The following TCF4 variants were observed in gnomAD, a reference collection of about 807,000 sequenced individuals.
TCF4 encodes the protein transcription factor 4.
TCF4 carries 3 observed loss-of-function variants against 82.1 expected under a neutral mutation model. The observed-to-expected ratio is 0.04, with a 90% CI of 0.02 to 0.09. The LOEUF (loss-of-function observed/expected upper bound fraction) is 0.09. Ranked by LOEUF, TCF4 falls within the 10% of genes least tolerant of loss-of-function variation. The probability of loss-of-function intolerance (pLI) is 1.00; values close to 1 mark genes in which losing one functional copy is unlikely to be tolerated. For synonymous variants in TCF4, 276 were observed against 309.6 expected (o/e 0.89, Z 1.14); for missense variants, 518 against 852.7 (o/e 0.61, Z 4.89).
intron 5 of TCF4, among the ~76,000 whole-genome samples, chr18:55,455,995 G>C (rs1416949718): frequency 1.3e-5 from 2 of 152,200 alleles, no homozygotes; most frequent in African/African-American, 4.8e-5. Context: ...CAAGAAGACT[G>C]TGGCACCTGC....
chr18:55,438,331 G>C (rs1248908831), intron 5 of TCF4, among the ~76,000 whole-genome samples: 2 of 149,124 alleles, frequency 1.3e-5, no homozygotes, highest in Non-Finnish European at 3.0e-5. Context: ...GTATTGCTAT[G>C]ATTATAGTTG....
intron 6 of TCF4, among the ~76,000 whole-genome samples, chr18:55,378,301 GACA>G (rs1216377364): frequency 6.6e-6 from 1 of 152,154 alleles, no homozygotes; most frequent in Non-Finnish European, 1.5e-5. Flanking sequence ...AATAATATTA[GACA>G]ACATTTACTG....
intron 3 of TCF4, among the ~76,000 whole-genome samples, chr18:55,528,345 C>T (rs1168009565): frequency 1.3e-5 from 2 of 152,150 alleles, no homozygotes; most frequent in Non-Finnish European, 2.9e-5. Context: ...CTTCACCCTT[C>T]ACACATTCAG....
At chr18:55,568,461 TAGAG>T (rs1056945224) in intron 3 of TCF4, among the ~76,000 whole-genome samples, 30 of 151,696 alleles carry the variant, frequency 2.0e-4, no homozygotes, top group South Asian at 4.2e-4. Flanking sequence ...GTAAATGAAA[TAGAG>T]AGAAAACTGA....
chr18:55,324,624 T>C (rs2076246512), intron 8 of TCF4, among the ~76,000 whole-genome samples: 1 of 152,140 alleles, frequency 6.6e-6, no homozygotes, highest in Non-Finnish European at 1.5e-5. Flanking sequence ...CAGTAGTGTA[T>C]AACTGGACAA....
chr18:55,613,589 G>C (rs1435921337), intron 2 of TCF4, among the ~76,000 whole-genome samples: 1 of 152,160 alleles, frequency 6.6e-6, no homozygotes, highest in Non-Finnish European at 1.5e-5. Context: ...CCACATGGCT[G>C]GGAGGCGTCA....
At chr18:55,317,709 T>C (rs2074491996) in intron 8 of TCF4, among the ~76,000 whole-genome samples, 1 of 152,106 alleles carries the variant, frequency 6.6e-6, no homozygotes. Flanking sequence ...TGTCACTTAT[T>C]TACAGGAAAA....
At chr18:55,372,701 G>A (rs1318586379) in intron 6 of TCF4, among the ~76,000 whole-genome samples, 1 of 151,978 alleles carries the variant, frequency 6.6e-6, no homozygotes, top group African/African-American at 2.4e-5. Context: ...AGCAAGATGG[G>A]GCAAGGAAAC....
At chr18:55,481,709 TAATC>T (rs2096436585) in intron 3 of TCF4, among the ~76,000 whole-genome samples, 1 of 152,250 alleles carries the variant, frequency 6.6e-6, no homozygotes, top group Non-Finnish European at 1.5e-5. Flanking sequence ...ACTCTCCACT[TAATC>T]AATATATACT....
chr18:55,380,773 G>C (rs1450607067), intron 6 of TCF4, among the ~76,000 whole-genome samples: 1 of 152,198 alleles, frequency 6.6e-6, no homozygotes, highest in Non-Finnish European at 1.5e-5. Context: ...TTAACAAACA[G>C]CCCACGCAAT....
chr18:55,599,001 A>T (rs1433034495), intron 2 of TCF4, among the ~76,000 whole-genome samples: 4 of 152,148 alleles, frequency 2.6e-5, no homozygotes, highest in Non-Finnish European at 5.9e-5. Context: ...GTGAGACTGG[A>T]CCATTTTAGG....
intron 2 of TCF4, among the ~76,000 whole-genome samples, chr18:55,598,745 A>C (rs1298333853): frequency 6.6e-6 from 1 of 152,236 alleles, no homozygotes; most frequent in Non-Finnish European, 1.5e-5. Flanking sequence ...GCAATAGAAA[A>C]ATCAATTCAA....
In TCF4 at chr18:55,401,074, G is replaced by T. The variant is rs1270211679; in HGVS notation, c.369+2380C>A. ...TTGAAGCCCAAGATACTGAGATTTT[G>T]CCTTTCTCTTTGGTTTGCATAGCTG... is the stretch of plus-strand genomic sequence containing the variant. On this transcript the variant is annotated intron_variant, in intron 6 of 19. Coordinates refer to ENST00000354452, the MANE Select transcript of TCF4 (RefSeq NM_001083962.2). The T allele has an allele frequency of 3.1e-6, 4 of 1,288,924 alleles. No homozygotes were observed. The African/African-American group carries it at 4.6e-5, about 15-fold the overall frequency. The allele number at this position is 1,288,924 out of a possible 1,614,324, so 79.8% of individuals were successfully genotyped here.
intron 5 of TCF4, among the ~76,000 whole-genome samples, chr18:55,445,193 A>G (rs966100777): frequency 3.2e-4 from 48 of 152,278 alleles, no homozygotes; most frequent in Admixed American, 9.8e-4. Flanking sequence ...TTCATTGAAA[A>G]TCTGACATCT....
intron 5 of TCF4, among the ~76,000 whole-genome samples, chr18:55,430,119 C>T (rs1187714206): frequency 6.6e-6 from 1 of 152,044 alleles, no homozygotes; most frequent in Non-Finnish European, 1.5e-5. Flanking sequence ...AGCTTCAGAC[C>T]TTTGATGTCT....
intron 6 of TCF4, among the ~76,000 whole-genome samples, chr18:55,367,636 G>A (rs193069226): frequency 1.1e-3 from 164 of 152,236 alleles, no homozygotes; most frequent in Non-Finnish European, 1.7e-3. Flanking sequence ...ACAAATCAAC[G>A]TCCTCCTCAT....
chr18:55,576,497 A>T (rs138986096), intron 3 of TCF4, among the ~76,000 whole-genome samples: 2 of 152,126 alleles, frequency 1.3e-5, no homozygotes, highest in African/African-American at 4.8e-5. Context: ...ACCAGAGTTG[A>T]CTCCACTTTA....
At chr18:55,290,604 CT>C (rs1038401689) in intron 8 of TCF4, among the ~76,000 whole-genome samples, 24 of 152,224 alleles carry the variant, frequency 1.6e-4, no homozygotes, top group African/African-American at 5.8e-4. Context: ...ATAGTTTGAC[CT>C]TTTGCATACA....
chr18:55,356,760 T>A (rs2145021277), intron 6 of TCF4, among the ~76,000 whole-genome samples: 1 of 152,112 alleles, frequency 6.6e-6, no homozygotes, highest in East Asian at 1.9e-4. Context: ...AGCGTTGTTT[T>A]AAAAAAAATC....
Sources: allele counts gnomAD v4.1 joint callset (sites outside exome capture counted in the v4.1 genomes callset), GRCh38; gene constraint gnomAD v4.1.1; transcripts MANE v1.5; gene names NCBI Gene and HGNC (gene_info 2026-07-23, HGNC 2026-07-21).